EMC2: variants seen among roughly 807,000 people sequenced by gnomAD.
The protein encoded by EMC2 is ER membrane protein complex subunit 2, also known as TPR repeat protein 35.
A neutral mutation model predicts 51.6 loss-of-function variants in EMC2; 37 were observed. The observed-to-expected ratio is 0.72, with a 90% confidence interval of 0.55 to 0.94. EMC2 has a LOEUF of 0.94. Ranked by LOEUF, EMC2 falls within the 40% of genes least tolerant of loss-of-function variation. The pLI is 0.00. For missense variants in EMC2, 359 were observed against 350.9 expected, an observed-to-expected ratio of 1.02 and a Z score of -0.18; for synonymous variants, 131 against 112.4, an observed-to-expected ratio of 1.17 and a Z score of -1.04.
Position 108,483,421 on chromosome 8 carries a change from T to G in EMC2, c.808-3091T>G, listed in dbSNP as rs116463185. The stretch of plus-strand genomic sequence containing the variant: ...CCCCCACTGGGAGACAGACAAGCAC[T>G]GATCTGATTTTTATCACCAAACATT... On this transcript the variant is annotated intron_variant, in intron 10 of 10. Transcript: ENST00000220853. Among the ~76,000 whole-genome samples, 762 of 152,294 alleles carry G rather than the reference T, an allele frequency of 5.0e-3. 5 individuals carry two copies. The highest frequency in any genetic ancestry group is 0.018 in the African/African-American group (729 of 41,580).
At chr8:108,469,503 T>C (rs1297454134) in intron 5 of EMC2, among the ~76,000 whole-genome samples, 1 of 152,168 alleles carries the variant, frequency 6.6e-6, no homozygotes, top group Non-Finnish European at 1.5e-5. Flanking sequence ...ATCTTATGAA[T>C]GAGACAGAGT....
intron 7 of EMC2, 36 bp downstream of exon 7, chr8:108,470,157 A>G: frequency 7.1e-7 from 1 of 1,412,908 alleles, no homozygotes; most frequent in Non-Finnish European, 1.0e-6. Context: ...TGTTGAGTGC[A>G]GTTTTCATCA....
In EMC2 at chr8:108,470,068, T is replaced by C. The variant is rs772170315; in HGVS notation, c.456T>C (p.Val152=). 9.3e-6 allele frequency: 15 copies of C among 1,612,880 alleles called. No homozygotes were observed. In the Admixed American group the frequency reaches 1.3e-4, roughly 14 times the overall value. Residue 152 remains valine (V), a synonymous_variant, in exon 7 of 11, where the codon GTT becomes GTC. Transcript: ENST00000220853. ...TTTCTTTTCCTCTCACCAGATTTGT[T>C]GGAGACCAAGAAGCCTGGCATGAAC... The part of the protein sequence containing the change: ...RELNEYLEQF[V]GDQEAWHELA...
chr8:108,452,746 GCCTGA>G (rs1563691758), intron 3 of EMC2, among the ~76,000 whole-genome samples: 1 of 152,120 alleles, frequency 6.6e-6, no homozygotes, highest in Non-Finnish European at 1.5e-5. Context: ...TTAAGTAGGG[GCCTGA>G]CACATTATAG....
In EMC2 at chr8:108,477,745, G is replaced by A. The variant is rs138249520; in HGVS notation, c.702+853G>A. On this transcript the variant is annotated intron_variant, in intron 9 of 10. Coordinates refer to ENST00000220853, the MANE Select transcript of EMC2 (RefSeq NM_014673.5). Reference sequence around the variant, plus strand: ...AATACGCTATAGTAGAAGTATCTCTGTATCAAATAAATACTAATTTTAAAA... The same window carrying A: ...AATACGCTATAGTAGAAGTATCTCTATATCAAATAAATACTAATTTTAAAA... Among the ~76,000 whole-genome samples, 235 of 152,172 alleles carry A rather than the reference G, an allele frequency of 1.5e-3. 1 individual carries two copies. The highest frequency in any genetic ancestry group is 5.3e-3 in the African/African-American group (221 of 41,544).
At chr8:108,471,680 C>A (rs1054631255) in intron 7 of EMC2, among the ~76,000 whole-genome samples, 1 of 151,852 alleles carries the variant, frequency 6.6e-6, no homozygotes, top group African/African-American at 2.4e-5. Context: ...TTTCATCTTA[C>A]TAATTTACCC....
rs1563705364 is a variant in EMC2 at position 108,486,685 on chromosome 8, A to G, written c.*87A>G. The stretch of plus-strand genomic sequence containing the variant: ...ACTTATTTACTAAATGCTCAGTGCT[A>G]TTTATATACTACAGTAATTTTCTGT... On this transcript the variant is annotated 3_prime_UTR_variant, in exon 11 of 11. Coordinates refer to ENST00000220853, the MANE Select transcript of EMC2 (RefSeq NM_014673.5). 7.7e-7 allele frequency: 1 copy of G among 1,298,846 alleles called. No homozygotes were observed. The highest frequency in any genetic ancestry group is 1.5e-5 in the African/African-American group (1 of 65,912). The allele number at this position is 1,298,846 out of a possible 1,614,324, so 80.5% of individuals were successfully genotyped here.
intron 3 of EMC2, among the ~76,000 whole-genome samples, chr8:108,451,670 G>A (rs1323668236): frequency 1.8e-5 from 2 of 108,716 alleles, no homozygotes; most frequent in Non-Finnish European, 4.2e-5. Context: ...ATTCATAGAG[G>A]TGACCGTTTT....
rs1810957316 is a variant in EMC2 at position 108,476,871 on chromosome 8, A to G, written c.681A>G (p.Arg227=). The G allele has an allele frequency of 1.9e-6, 3 of 1,575,716 alleles. No individual in the cohort carries two copies. Among genetic ancestry groups the G allele is most frequent in the Non-Finnish European group, 2.6e-6 (3 of 1,145,876 alleles). The change falls in exon 9 of 11, where the codon AGA becomes AGG. Residue 227 remains arginine, a synonymous_variant. Coordinates refer to ENST00000220853, the MANE Select transcript of EMC2 (RefSeq NM_014673.5). ...TGAAACTGAACAACAGAAATATGAG[A>G]GCTTTGTTTGGACTTTATATGGTGA... ...QALKLNNRNM[R]ALFGLYMSAS... is the part of the protein sequence containing the mutation.
intron 3 of EMC2, among the ~76,000 whole-genome samples, chr8:108,451,676 G>A (rs1212986863): frequency 6.6e-6 from 1 of 151,782 alleles, no homozygotes; most frequent in African/African-American, 2.4e-5. Flanking sequence ...AGAGGTGACC[G>A]TTTTATGTCT....
At chr8:108,448,832 T>A (rs1818942606) in intron 1 of EMC2, among the ~76,000 whole-genome samples, 1 of 152,196 alleles carries the variant, frequency 6.6e-6, no homozygotes, top group African/African-American at 2.4e-5. Context: ...CATATAAAAT[T>A]TAAAATTCTA....
intron 7 of EMC2, 33 bp downstream of exon 7, chr8:108,470,154 T>C (rs1810824999): frequency 6.7e-7 from 1 of 1,489,790 alleles, no homozygotes; most frequent in Non-Finnish European, 9.3e-7. Context: ...TTTTGTTGAG[T>C]GCAGTTTTCA....
intron 10 of EMC2, among the ~76,000 whole-genome samples, chr8:108,482,264 C>T (rs1276863179): frequency 6.6e-6 from 1 of 152,080 alleles, no homozygotes; most frequent in Non-Finnish European, 1.5e-5. Flanking sequence ...TTTGGATGTC[C>T]TCTTTCGTGA....
chr8:108,471,682 A>G (rs1810859063), intron 7 of EMC2, among the ~76,000 whole-genome samples: 1 of 151,886 alleles, frequency 6.6e-6, no homozygotes, highest in African/African-American at 2.4e-5. Context: ...TCATCTTACT[A>G]ATTTACCCTA....
chr8:108,472,884 A>AT (rs1810882862), intron 7 of EMC2, among the ~76,000 whole-genome samples: 2 of 151,440 alleles, frequency 1.3e-5, no homozygotes, highest in African/African-American at 4.9e-5. Flanking sequence ...ATCTAGAACT[A>AT]TTTTTTTTCT....
At position 108,470,110 on chromosome 8, in the gene EMC2, C is replaced by T; in HGVS notation, c.498C>T (p.Ile166=). The change falls in exon 7 of 11, where the codon ATC becomes ATT. Residue 166 remains isoleucine (I), a synonymous_variant. Transcript: ENST00000220853. The part of the protein sequence containing the change: ...EAWHELAELY[I]NEHDYAKAAF... ...GGCATGAACTTGCAGAACTTTACAT[C>T]AATGAACATGAGTAAGTTATTAAAC... 1 of 1,610,348 alleles carries T rather than the reference C, an allele frequency of 6.2e-7. No homozygotes were observed.
intron 10 of EMC2, among the ~76,000 whole-genome samples, chr8:108,485,238 CAAG>C (rs1027809271): frequency 4.6e-5 from 7 of 151,446 alleles, no homozygotes; most frequent in African/African-American, 7.2e-5. Context: ...TTACAGAAGA[CAAG>C]AAACACATCA....
At chr8:108,451,910 T>A (rs1008398284) in intron 3 of EMC2, among the ~76,000 whole-genome samples, 1 of 152,238 alleles carries the variant, frequency 6.6e-6, no homozygotes, top group Non-Finnish European at 1.5e-5. Flanking sequence ...CACTTTTGAT[T>A]AACTTGAATA....
At chr8:108,448,044 T>C (rs1475241267) in intron 1 of EMC2, among the ~76,000 whole-genome samples, 1 of 152,070 alleles carries the variant, frequency 6.6e-6, no homozygotes, top group Non-Finnish European at 1.5e-5. Context: ...TGAAAATACA[T>C]GTAGTTGGGT....
Sources: gnomAD v4.1 joint callset for allele counts (sites outside exome capture counted in the v4.1 genomes callset) on GRCh38, gnomAD v4.1.1 for gene constraint, MANE v1.5 for transcripts, NCBI Gene and HGNC (gene_info 2026-07-23, HGNC 2026-07-21) for gene names.